ADAMTS9: variants seen among roughly 807,000 people sequenced by gnomAD.
The protein encoded by ADAMTS9 is A disintegrin and metalloproteinase with thrombospondin motifs 9.
A neutral mutation model predicts 257.1 loss-of-function variants in ADAMTS9; 107 were observed. The observed-to-expected ratio is 0.42, with a 90% CI of 0.36 to 0.49. The LOEUF (loss-of-function observed/expected upper bound fraction) is 0.49, where lower values mean the gene tolerates loss of function less well. Among genes scored for constraint, ADAMTS9 ranks in the 20% least tolerant of loss-of-function variants. ADAMTS9 has a pLI of 0.03. For missense variants in ADAMTS9, 2,353 were observed against 2,469.1 expected (o/e 0.95, Z 1.00); for synonymous variants, 982 against 880.9 (o/e 1.11, Z -2.03).
intron 16 of ADAMTS9, among the ~76,000 whole-genome samples, chr3:64,631,064 T>A (rs1700357557): frequency 6.6e-6 from 1 of 152,294 alleles, no homozygotes; most frequent in South Asian, 2.1e-4. Context: ...GCTGATAACA[T>A]AAAAATTAAG....
intron 11 of ADAMTS9, among the ~76,000 whole-genome samples, chr3:64,644,549 A>G (rs1200489753): frequency 2.0e-5 from 3 of 152,134 alleles, no homozygotes; most frequent in Admixed American, 6.6e-5. Flanking sequence ...AAGTTTCCCT[A>G]CGGATAGAGG....
chr3:64,617,636 A>G (rs1290794602), intron 19 of ADAMTS9, among the ~76,000 whole-genome samples: 1 of 152,216 alleles, frequency 6.6e-6, no homozygotes, highest in African/African-American at 2.4e-5. Context: ...TGAGAAAAAA[A>G]AAGTGTAAGC....
At chr3:64,626,765 G>A (rs765919815) in intron 16 of ADAMTS9, among the ~76,000 whole-genome samples, 2 of 152,202 alleles carry the variant, frequency 1.3e-5, no homozygotes, top group Non-Finnish European at 2.9e-5. Context: ...AATCGATGAT[G>A]CTGAAAGAAT....
chr3:64,517,307 T>G (rs1406389283), intron 39 of ADAMTS9, among the ~76,000 whole-genome samples, 186 bp from the exon 40 acceptor site: 1 of 151,826 alleles, frequency 6.6e-6, no homozygotes, highest in Non-Finnish European at 1.5e-5. Context: ...AATGGCATGA[T>G]CATGGCTTGC....
Position 64,687,574 on chromosome 3 carries a change from G to T in ADAMTS9, c.84C>A (p.Ala28=), listed in dbSNP as rs568394325. 3.2e-6 allele frequency: 5 copies of T among 1,568,608 alleles called. No individual in the cohort carries two copies. The highest frequency in any genetic ancestry group is 4.3e-6 in the Non-Finnish European group (5 of 1,158,000). The part of the protein sequence containing the change: ...AEMGSPDAAA[A]VRKDRLHPRQ... ...TCGGGTGCAGCCTGTCCTTGCGCAC[G>T]GCCGCCGCGGCGTCTGGGCTCCCCA... is the stretch of plus-strand genomic sequence containing the variant. The change falls in exon 1 of 40, where the codon GCC becomes GCA. Residue 28 remains alanine, a synonymous_variant. Coordinates refer to ENST00000498707, the MANE Select transcript of ADAMTS9 (RefSeq NM_182920.2). The surrounding 1 kb of genome is among the most constrained non-coding windows in gnomAD (Gnocchi z 4.4).
intron 28 of ADAMTS9, chr3:64,583,540 T>C (rs767966377): frequency 6.6e-6 from 1 of 152,164 alleles, no homozygotes; most frequent in Non-Finnish European, 1.5e-5. Flanking sequence ...GTTGGGGTTG[T>C]GCTGTGCATT....
intron 38 of ADAMTS9, among the ~76,000 whole-genome samples, chr3:64,526,619 T>C (rs982434142): frequency 6.6e-6 from 1 of 152,174 alleles, no homozygotes; most frequent in Non-Finnish European, 1.5e-5. Flanking sequence ...AAAGAATGTC[T>C]TCTGTATCAT....
chr3:64,628,573 T>C (rs1023611541), intron 16 of ADAMTS9, among the ~76,000 whole-genome samples: 10 of 151,322 alleles, frequency 6.6e-5, no homozygotes, highest in Non-Finnish European at 1.5e-5. Flanking sequence ...CAAGGAGAAA[T>C]GGATTCCCCC....
At chr3:64,566,680 T>C (rs1410046226) in intron 29 of ADAMTS9, among the ~76,000 whole-genome samples, 4 of 152,120 alleles carry the variant, frequency 2.6e-5, no homozygotes, top group Non-Finnish European at 4.4e-5. Flanking sequence ...GCTTTTAACA[T>C]GAGCATCATT....
intron 16 of ADAMTS9, among the ~76,000 whole-genome samples, chr3:64,625,068 C>T (rs915472449): frequency 1.3e-4 from 20 of 152,074 alleles, no homozygotes; most frequent in Admixed American, 1.3e-3. Context: ...GTGAGGATGC[C>T]CTTGAAAGAT....
chr3:64,576,911 C>A (rs951508875), intron 28 of ADAMTS9, among the ~76,000 whole-genome samples: 5 of 152,126 alleles, frequency 3.3e-5, no homozygotes, highest in Admixed American at 6.5e-5. Context: ...TAAAGGGAGA[C>A]AACGAGGGGC....
chr3:64,596,387 T>A (rs2084364346), intron 27 of ADAMTS9, among the ~76,000 whole-genome samples: 2 of 152,294 alleles, frequency 1.3e-5, no homozygotes, highest in African/African-American at 4.8e-5. Context: ...TCATCTTTCA[T>A]AGGAATTATA....
At chr3:64,626,656 G>A (rs775008649) in intron 16 of ADAMTS9, among the ~76,000 whole-genome samples, 30 of 152,080 alleles carry the variant, frequency 2.0e-4, no homozygotes, top group African/African-American at 5.3e-4. Flanking sequence ...ATATATGCAC[G>A]TAAGAAACCT....
rs747705265 is a variant in ADAMTS9 at position 64,622,507 on chromosome 3, C to A, written c.2469G>T (p.Gly823=). The A allele has an allele frequency of 6.2e-7, 1 of 1,614,102 alleles. No individual in the cohort carries two copies. The highest frequency in any genetic ancestry group is 2.2e-5 in the East Asian group (1 of 44,864). The change falls in exon 17 of 40, where the codon GGG becomes GGT. Residue 823 remains glycine, a synonymous_variant. Transcript: ENST00000498707. ...ACCCACTGTACTCTACCACAGCATT[C>A]CCAATGCGAATTTCCCTTTTGGCCA... ...VTMAKREIRI[G]NAVVEYSGSE... is the part of the protein sequence containing the mutation.
rs149253049 is a variant in ADAMTS9, at chr3:64,621,164, C to A, written c.2763G>T (p.Leu921=). The change falls in exon 19 of 40, where the codon CTG becomes CTT. Residue 921 remains leucine, a synonymous_variant. Coordinates refer to ENST00000498707, the MANE Select transcript of ADAMTS9 (RefSeq NM_182920.2). ...GTTCAGTAATGTGTCCAGGCTGGGGCAGCCGATCGCATCTTTGATCAGAAA... is the reference window on the plus strand; with the variant it reads ...GTTCAGTAATGTGTCCAGGCTGGGGAAGCCGATCGCATCTTTGATCAGAAA... ...LTVSDQRCDR[L]PQPGHITEPC... The A allele has an allele frequency of 3.2e-4, 509 of 1,613,908 alleles. No homozygotes were observed. Among genetic ancestry groups the A allele is most frequent in the African/African-American group, 2.2e-3 (162 of 75,020 alleles).
rs139421999 is a variant in ADAMTS9, at chr3:64,680,308, T to G, written c.679+893A>C. 1.1e-4 allele frequency among the ~76,000 whole-genome samples: 17 copies of G among 152,294 alleles called. No homozygotes were observed. In the East Asian group the frequency reaches 2.7e-3, roughly 24 times the overall value. ...GCTATTTAATTTGGAGAAGCAATTT[T>G]AAAAATAAAGAATAGAAAGAAAGAT... is the stretch of plus-strand genomic sequence containing the variant. On this transcript the variant is annotated intron_variant, in intron 3 of 39. Transcript: ENST00000498707.
At position 64,651,160 on chromosome 3, in the gene ADAMTS9, A is replaced by G; in HGVS notation, c.1320T>C (p.Phe440=). The G allele has an allele frequency of 1.3e-6, 2 of 1,576,648 alleles. No individual in the cohort carries two copies. The highest frequency in any genetic ancestry group is 1.7e-6 in the Non-Finnish European group (2 of 1,166,790). ...FTIAHELGHV[F]NMPHDDNNKC... ...TGTTGTTGTCATCATGAGGCATGTT[A>G]AACCTAAAGCCAATGAGACAATGAT... The change falls in exon 9 of 40, where the codon TTT becomes TTC. Residue 440 remains phenylalanine (F), a synonymous_variant. Coordinates refer to ENST00000498707, the MANE Select transcript of ADAMTS9 (RefSeq NM_182920.2).
intron 9 of ADAMTS9, chr3:64,650,766 C>G (rs1250850501): frequency 2.5e-6 from 1 of 395,794 alleles, no homozygotes; most frequent in East Asian, 5.0e-5. Flanking sequence ...CAAAATGAAG[C>G]AACATTTCCA....
At chr3:64,579,194 T>C (rs1373216947) in intron 28 of ADAMTS9, among the ~76,000 whole-genome samples, 1 of 152,170 alleles carries the variant, frequency 6.6e-6, no homozygotes, top group Non-Finnish European at 1.5e-5. Flanking sequence ...TCCTCTGTTC[T>C]AGCCACATTA....
Sources: gnomAD v4.1 joint callset for allele counts (sites outside exome capture counted in the v4.1 genomes callset) on GRCh38, gnomAD v4.1.1 for gene constraint, Gnocchi (gnomAD v3.1) non-coding constraint, MANE v1.5 for transcripts, NCBI Gene and HGNC (gene_info 2026-07-23, HGNC 2026-07-21) for gene names.